Variants in SLC25A33 observed in about 807,000 individuals in gnomAD.
The protein encoded by SLC25A33 is bone marrow stromal cell mitochondrial carrier protein.
SLC25A33 carries 15 observed loss-of-function variants against 35.5 expected under a neutral mutation model. That is an observed-to-expected ratio of 0.42 (90% CI 0.28 to 0.65). SLC25A33 has a LOEUF of 0.65. Ranked by LOEUF, SLC25A33 falls within the 30% of genes least tolerant of loss-of-function variation. The pLI, the probability that SLC25A33 is intolerant of heterozygous loss-of-function variation, is 0.20. For synonymous variants in SLC25A33, 136 were observed against 148.7 expected (o/e 0.91, Z 0.62); for missense variants, 257 against 398.5 (o/e 0.64, Z 3.02).
intron 5 of SLC25A33, among the ~76,000 whole-genome samples, chr1:9,574,832 A>G (rs968369488): frequency 2.0e-5 from 3 of 152,162 alleles, no homozygotes; most frequent in African/African-American, 7.2e-5. Flanking sequence ...ATAGTTAACA[A>G]CTTCAACTAT....
intron 2 of SLC25A33, among the ~76,000 whole-genome samples, chr1:9,560,251 C>CAAA (rs1211740712): frequency 2.1e-5 from 2 of 96,472 alleles, no homozygotes; most frequent in Non-Finnish European, 4.3e-5. Flanking sequence ...GACTCCATCT[C>CAAA]AAAAAAAAAA....
intron 1 of SLC25A33, among the ~76,000 whole-genome samples, chr1:9,544,071 C>T (rs1415352221): frequency 6.6e-6 from 1 of 152,000 alleles, no homozygotes; most frequent in Non-Finnish European, 1.5e-5. Context: ...CTCCACTGCA[C>T]TCCAGCCTGG....
At chr1:9,562,807 C>CG (rs1232843927) in intron 2 of SLC25A33, among the ~76,000 whole-genome samples, 2 of 147,228 alleles carry the variant, frequency 1.4e-5, no homozygotes, top group Non-Finnish European at 3.0e-5. Context: ...GAGCCAAGAT[C>CG]GCGCCATTGC....
intron 6 of SLC25A33, among the ~76,000 whole-genome samples, chr1:9,581,600 G>T (rs1306627109): frequency 6.6e-6 from 1 of 151,890 alleles, no homozygotes; most frequent in Non-Finnish European, 1.5e-5. Flanking sequence ...GTGGTGGCAG[G>T]TGCCTGTAAT....
Position 9,580,130 on chromosome 1 carries a change from C to T in SLC25A33, c.659C>T (p.Ala220Val), listed in dbSNP as rs889895586. 5 of 1,611,412 alleles carry T rather than the reference C, an allele frequency of 3.1e-6. No individual in the cohort carries two copies. The highest frequency in any genetic ancestry group is 4.2e-6 in the Non-Finnish European group (5 of 1,178,240). Residue 220 changes from alanine to valine, a missense_variant, in exon 6 of 7, where the codon GCC becomes GTC. By Grantham distance (64) the Ala-to-Val change is moderately conservative. Coordinates refer to ENST00000302692, the MANE Select transcript of SLC25A33 (RefSeq NM_032315.3). ...LKKYLKEAPL[A>V]SSANGTEKNS... ...AAGTATCTGAAAGAAGCTCCATTAG[C>T]CTCTTCTGCAAATGGGACTGAGAAA...
intron 4 of SLC25A33, among the ~76,000 whole-genome samples, chr1:9,572,380 G>A (rs1643602898): frequency 6.6e-6 from 1 of 152,152 alleles, no homozygotes; most frequent in Non-Finnish European, 1.5e-5. Context: ...GGGAGGCCGA[G>A]GCGAGCGGAT....
intron 6 of SLC25A33, among the ~76,000 whole-genome samples, 197 bp downstream of exon 6, chr1:9,580,431 C>T (rs1643725685): frequency 1.3e-5 from 2 of 152,224 alleles, no homozygotes; most frequent in African/African-American, 4.8e-5. Context: ...TCAAATCCAG[C>T]TGATTATAGC....
intron 2 of SLC25A33, among the ~76,000 whole-genome samples, chr1:9,558,147 A>G (rs1259999129): frequency 6.6e-6 from 1 of 152,226 alleles, no homozygotes; most frequent in South Asian, 2.1e-4. Context: ...TGTTCAATGT[A>G]TATCCACCTT....
chr1:9,567,442 G>T, intron 3 of SLC25A33, 81 bp downstream of exon 3: 4 of 1,269,608 alleles, frequency 3.2e-6, no homozygotes, highest in Non-Finnish European at 4.5e-6. Context: ...TGATGCTGCT[G>T]AATGACCAGT....
In SLC25A33 at chr1:9,583,766, G is replaced by C. The variant is rs1255464117; in HGVS notation, c.*1265G>C. On this transcript the variant is annotated 3_prime_UTR_variant, in exon 7 of 7. Transcript: ENST00000302692. ...CCAGCACTTTGGGAGGCCAAGGCGG[G>C]CAGATCACGAGGTCAGGAGATCGAG... 2 of 152,040 alleles carry C rather than the reference G, an allele frequency of 1.3e-5. No homozygotes were observed. Among genetic ancestry groups the C allele is most frequent in the African/African-American group, 4.8e-5 (2 of 41,388 alleles). The allele number at this position is 152,040 out of a possible 1,614,324, so 9.4% of individuals were successfully genotyped here. A position where few individuals can be genotyped will look rare whatever the true frequency, so the allele number is the denominator to read the frequency against.
At chr1:9,564,736 AAAAATAT>A (rs1233556698) in intron 2 of SLC25A33, among the ~76,000 whole-genome samples, 10 of 81,960 alleles carry the variant, frequency 1.2e-4, no homozygotes, top group African/African-American at 4.8e-4. Context: ...AAAAAAAAAA[AAAAATAT>A]ATATATATAT....
intron 2 of SLC25A33, among the ~76,000 whole-genome samples, chr1:9,558,300 C>T (rs1180915394): frequency 6.6e-6 from 1 of 152,222 alleles, no homozygotes; most frequent in Admixed American, 6.5e-5. Context: ...CTTCTGCCTC[C>T]GTGGCTATTG....
In SLC25A33 at chr1:9,582,948, G is replaced by T. The variant is rs1007122542; in HGVS notation, c.*447G>T. The T allele has an allele frequency of 6.3e-6, 1 of 158,330 alleles. No homozygotes were observed. The highest frequency in any genetic ancestry group is 1.8e-4 in the South Asian group (1 of 5,444). 9.8% of individuals were successfully genotyped at this position (158,330 alleles called of 1,614,324 possible). A position where few individuals can be genotyped will look rare whatever the true frequency, so the allele number is the denominator to read the frequency against. On this transcript the variant is annotated 3_prime_UTR_variant, in exon 7 of 7. Transcript: ENST00000302692. The surrounding 1 kb of genome is among the most constrained non-coding windows in gnomAD (Gnocchi z 4.0). ...GGGAAGAAGTGTCGCATTTTGGCTG[G>T]GCACTGTGGCTCACGCCCGTAATCC...
chr1:9,580,265 TA>T, intron 6 of SLC25A33, 31 bp downstream of exon 6: 1 of 1,601,132 alleles, frequency 6.2e-7, no homozygotes, highest in East Asian at 2.2e-5. Flanking sequence ...TCCAGAGCAG[TA>T]AAACAGCTGT....
At chr1:9,566,851 A>T (rs796257039) in intron 2 of SLC25A33, among the ~76,000 whole-genome samples, 18 of 150,392 alleles carry the variant, frequency 1.2e-4, no homozygotes, top group African/African-American at 4.4e-4. Context: ...CGTCTAAATA[A>T]TAATAATAAA....
chr1:9,554,174 T>C (rs1643308306), intron 2 of SLC25A33, among the ~76,000 whole-genome samples: 1 of 152,170 alleles, frequency 6.6e-6, no homozygotes. Context: ...AATATTTTAT[T>C]TTATTTTATT....
intron 2 of SLC25A33, among the ~76,000 whole-genome samples, chr1:9,559,977 C>T (rs368655143): frequency 1.3e-5 from 2 of 152,110 alleles, no homozygotes; most frequent in Non-Finnish European, 1.5e-5. Context: ...CAAGGCTGGG[C>T]GCAGTGGCTC....
chr1:9,549,274 C>A (rs2100373593), intron 1 of SLC25A33, among the ~76,000 whole-genome samples: 2 of 150,934 alleles, frequency 1.3e-5, no homozygotes, highest in East Asian at 3.9e-4. Context: ...CTGCAAGCTC[C>A]CCAGGGCAAG....
Position 9,559,614 on chromosome 1 carries a change from G to T in SLC25A33, c.236+5809G>T, listed in dbSNP as rs574168930. On this transcript the variant is annotated intron_variant, in intron 2 of 6. Transcript: ENST00000302692. The stretch of plus-strand genomic sequence containing the variant: ...AAAGCATACTCTTCGGGGGAAATTT[G>T]TATCTTTTCCTGTTAATAAGTTCTA... 7.2e-5 allele frequency among the ~76,000 whole-genome samples: 11 copies of T among 151,920 alleles called. No homozygotes were observed. The East Asian group carries it at 2.1e-3, about 29-fold the overall frequency.
Sources: gnomAD v4.1 joint callset for allele counts (sites outside exome capture counted in the v4.1 genomes callset) on GRCh38, gnomAD v4.1.1 for gene constraint, Gnocchi (gnomAD v3.1) non-coding constraint, MANE v1.5 for transcripts, NCBI Gene and HGNC (gene_info 2026-07-23, HGNC 2026-07-21) for gene names.